Variants in VAT1L observed in about 807,000 individuals in gnomAD.
VAT1L encodes the protein vesicle amine transport 1 like.
In VAT1L, 34 loss-of-function variants were observed where a neutral mutation model predicts 44.1. The ratio of observed to expected loss-of-function variants is 0.77; its 90% confidence interval spans 0.59 to 1.03. The LOEUF is 1.03. Among genes scored for constraint, VAT1L ranks in the 50% least tolerant of loss-of-function variants. The pLI is 0.00. For synonymous variants in VAT1L, 253 were observed against 202.2 expected (o/e 1.25, Z -2.13); for missense variants, 615 against 538.8 (o/e 1.14, Z -1.40).
intron 7 of VAT1L, among the ~76,000 whole-genome samples, chr16:77,923,656 C>CAGTTTCCCA: frequency 6.6e-6 from 1 of 152,282 alleles, no homozygotes; most frequent in African/African-American, 2.4e-5. Context: ...CTCCGGGCCT[C>CAGTTTCCCA]AGTTTCCCAA....
intron 3 of VAT1L, among the ~76,000 whole-genome samples, chr16:77,860,131 C>G (rs2016901380): frequency 6.6e-6 from 1 of 152,148 alleles, no homozygotes; most frequent in Admixed American, 6.5e-5. Flanking sequence ...ATCTTTCGCT[C>G]ACATCCCTCA....
Position 77,862,795 on chromosome 16 carries a change from CT to C in VAT1L, c.630del (p.Phe210LeufsTer16), listed in dbSNP as rs1359386458. 1 of 1,613,928 alleles carries C rather than the reference CT, an allele frequency of 6.2e-7. No individual in the cohort carries two copies. Among genetic ancestry groups the C allele is most frequent in the African/African-American group, 1.3e-5 (1 of 74,862 alleles). ...GTTCCACTGTCCCCAACGTGACTGT[CT>C]TTGGAACAGCCTCTACTTTCAAGCA... ...LCSTVPNVTV[F>X]GTASTFKHEA... On this transcript the variant is annotated frameshift_variant, in exon 4 of 9. Coordinates refer to ENST00000302536, the MANE Select transcript of VAT1L (RefSeq NM_020927.3). LOFTEE classifies it high-confidence loss of function.
intron 7 of VAT1L, among the ~76,000 whole-genome samples, chr16:77,922,583 C>G (rs2017624109): frequency 6.6e-6 from 1 of 152,110 alleles, no homozygotes; most frequent in African/African-American, 2.4e-5. Flanking sequence ...CATGTGCCAG[C>G]AAGGACAGGA....
chr16:77,798,279 A>G (rs1030648322), intron 1 of VAT1L, among the ~76,000 whole-genome samples: 1 of 152,232 alleles, frequency 6.6e-6, no homozygotes, highest in Non-Finnish European at 1.5e-5. Context: ...CCCAAGCCAG[A>G]TGAGAGGCAG....
intron 3 of VAT1L, among the ~76,000 whole-genome samples, chr16:77,858,164 T>C (rs1597070080): frequency 6.6e-6 from 1 of 152,004 alleles, no homozygotes; most frequent in South Asian, 2.1e-4. Context: ...ACAGAGGCCG[T>C]GGTGGTCACG....
intron 5 of VAT1L, among the ~76,000 whole-genome samples, chr16:77,877,217 T>A (rs1224093828): frequency 1.3e-5 from 2 of 152,010 alleles, no homozygotes; most frequent in Admixed American, 1.3e-4. Flanking sequence ...AATTTAAACA[T>A]TAGTCTCCAC....
intron 7 of VAT1L, among the ~76,000 whole-genome samples, chr16:77,919,124 G>GTGTGTGTGTGTGCA (rs1491005465): frequency 1.2e-4 from 18 of 151,956 alleles, no homozygotes; most frequent in Non-Finnish European, 1.8e-4. Flanking sequence ...AGTTTTGAGG[G>GTGTGTGTGTGTGCA]TGTGTGTGTG....
At chr16:77,859,886 CAT>C (rs1383760457) in intron 3 of VAT1L, among the ~76,000 whole-genome samples, 1 of 152,086 alleles carries the variant, frequency 6.6e-6, no homozygotes, top group African/African-American at 2.4e-5. Context: ...ACTCCAAATT[CAT>C]ATGTTGAAGC....
intron 3 of VAT1L, among the ~76,000 whole-genome samples, chr16:77,857,739 T>C (rs540349166): frequency 2.0e-5 from 3 of 149,238 alleles, no homozygotes; most frequent in Non-Finnish European, 4.5e-5. Flanking sequence ...ATTCTAGTTA[T>C]AAGTCATATA....
At chr16:77,907,403 C>T (rs2017448930) in intron 7 of VAT1L, among the ~76,000 whole-genome samples, 1 of 152,168 alleles carries the variant, frequency 6.6e-6, no homozygotes, top group Admixed American at 6.5e-5. Context: ...TGGGGAAAAT[C>T]TCAGAACATT....
At chr16:77,966,588 C>G (rs2018225098) in intron 7 of VAT1L, among the ~76,000 whole-genome samples, 1 of 152,156 alleles carries the variant, frequency 6.6e-6, no homozygotes, top group Non-Finnish European at 1.5e-5. Context: ...AACATGCAGT[C>G]CAGTGCTGTT....
intron 7 of VAT1L, among the ~76,000 whole-genome samples, chr16:77,914,039 G>A (rs570212995): frequency 9.9e-5 from 15 of 152,236 alleles, no homozygotes; most frequent in East Asian, 5.8e-4. Context: ...CACTCACACA[G>A]CAAGTATTCA....
intron 7 of VAT1L, among the ~76,000 whole-genome samples, chr16:77,904,164 T>C (rs929964456): frequency 6.6e-6 from 1 of 151,372 alleles, no homozygotes; most frequent in African/African-American, 2.4e-5. Context: ...CTCTATCTTA[T>C]TCTTGGTGTT....
chr16:77,889,142 C>T (rs2017238017), intron 7 of VAT1L, among the ~76,000 whole-genome samples: 1 of 152,192 alleles, frequency 6.6e-6, no homozygotes, highest in African/African-American at 2.4e-5. Flanking sequence ...CACAAAATTG[C>T]TTCTCAATCC....
intron 7 of VAT1L, among the ~76,000 whole-genome samples, chr16:77,941,337 A>G (rs181595925): frequency 2.6e-5 from 4 of 152,278 alleles, no homozygotes; most frequent in Admixed American, 2.6e-4. Flanking sequence ...CTACTCACCG[A>G]AACAGATTTT....
At position 77,890,156 on chromosome 16, in the gene VAT1L, T is replaced by C. The variant is rs533438887; in HGVS notation, c.1077+5354T>C. 1.8e-4 allele frequency among the ~76,000 whole-genome samples: 28 copies of C among 151,550 alleles called. No individual in the cohort carries two copies. The South Asian group carries it at 5.9e-3, about 32-fold the overall frequency. ...TGGGGCTTGCTTGGTATGGGAAGGA[T>C]AGGAAAGGATAGGAATGATTTGGAT... On this transcript the variant is annotated intron_variant, in intron 7 of 8. Transcript: ENST00000302536.
At chr16:77,904,184 CTTT>C (rs59219677) in intron 7 of VAT1L, among the ~76,000 whole-genome samples, 8 of 135,392 alleles carry the variant, frequency 5.9e-5, no homozygotes, top group South Asian at 2.4e-4. Context: ...TACTGATTTG[CTTT>C]TTTTTTTTTT....
At chr16:77,820,475 G>A (rs570275446) in intron 2 of VAT1L, among the ~76,000 whole-genome samples, 7 of 152,260 alleles carry the variant, frequency 4.6e-5, no homozygotes, top group African/African-American at 1.7e-4. Context: ...GAGCTCTGTA[G>A]GGGTGTTTCC....
chr16:77,923,541 C>T (rs1435841810), intron 7 of VAT1L, among the ~76,000 whole-genome samples: 1 of 152,148 alleles, frequency 6.6e-6, no homozygotes, highest in Non-Finnish European at 1.5e-5. Context: ...AAAATTAAGC[C>T]AGCATCCTCA....
Sources: allele counts gnomAD v4.1 joint callset (sites outside exome capture counted in the v4.1 genomes callset), GRCh38; gene constraint gnomAD v4.1.1; transcripts MANE v1.5; gene names NCBI Gene and HGNC (gene_info 2026-07-23, HGNC 2026-07-21).